The following RASEF variants were observed in gnomAD, a reference collection of about 807,000 sequenced individuals.
RASEF encodes ras and EF-hand domain-containing protein.
Under a neutral mutation model 90.1 loss-of-function variants are expected in RASEF, and 68 were observed. The observed-to-expected ratio is 0.75, with a 90% CI of 0.62 to 0.92. The LOEUF (loss-of-function observed/expected upper bound fraction) is 0.92, where lower values mean the gene tolerates loss of function less well. Among genes scored for constraint, RASEF ranks in the 40% least tolerant of loss-of-function variants. The pLI, the probability that RASEF is intolerant of heterozygous loss-of-function variation, is 0.00. For synonymous variants in RASEF, 331 were observed against 345.2 expected, an observed-to-expected ratio of 0.96 and a Z score of 0.46; for missense variants, 949 against 937.2, an observed-to-expected ratio of 1.01 and a Z score of -0.16.
In RASEF at chr9:83,006,542, T is replaced by C. The variant is rs374006601; in HGVS notation, c.1028+895A>G. ...AAAGGTCAAACCTGACCTGACTTCA[T>C]TGAGGGGAACTGAAACCAGAAGACA... On this transcript the variant is annotated intron_variant, in intron 7 of 16. Transcript: ENST00000376447. 9.3e-4 allele frequency among the ~76,000 whole-genome samples: 140 copies of C among 150,786 alleles called. 1 individual carries two copies. Among genetic ancestry groups the C allele is most frequent in the African/African-American group, 3.1e-3 (127 of 41,082 alleles).
chr9:83,184,395 G>A, the RASEF span, among the ~76,000 whole-genome samples: 400 of 152,274 alleles, frequency 2.6e-3, 3 homozygotes, highest in African/African-American at 9.0e-3. Context: ...ATGGGAGGGC[G>A]GTGTTAGCTT....
chr9:83,144,454 AAAGAG>A, the RASEF span, among the ~76,000 whole-genome samples: 2 of 147,856 alleles, frequency 1.4e-5, no homozygotes, highest in African/African-American at 2.5e-5. Flanking sequence ...AAAGAAAAGA[AAAGAG>A]AAGAGAAAAG....
At chr9:83,041,173 T>G (rs1349296789) in intron 1 of RASEF, among the ~76,000 whole-genome samples, 2 of 152,386 alleles carry the variant, frequency 1.3e-5, no homozygotes, top group South Asian at 2.1e-4. Context: ...CTGGCCTTTT[T>G]AAAAGCCTAT....
rs770690143 is a variant in RASEF, at chr9:83,001,110, A to G, written c.1223T>C (p.Val408Ala). Reference sequence around the variant, plus strand: ...GGCCAGGGAGTCACAGTCCTCATCCACATAGGAAGAGCGGGATGACCTGGT... The same window carrying G: ...GGCCAGGGAGTCACAGTCCTCATCCGCATAGGAAGAGCGGGATGACCTGGT... ...GYDRSSRSSY[V>A]DEDCDSLALC... The change falls in exon 10 of 17, where the codon GTG becomes GCG. Residue 408 changes from valine to alanine, a missense_variant. Around this residue, in one of 3 missense-constraint regions of RASEF, gnomAD observed 656 missense variants for 592.2 expected, o/e 1.11. Coordinates refer to ENST00000376447, the MANE Select transcript of RASEF (RefSeq NM_152573.4). 4 of 1,613,210 alleles carry G rather than the reference A, an allele frequency of 2.5e-6. No homozygotes were observed. In the Admixed American group the frequency reaches 5.0e-5, roughly 20 times the overall value.
At chr9:83,163,984 C>A in the RASEF span, among the ~76,000 whole-genome samples, 2 of 139,504 alleles carry the variant, frequency 1.4e-5, no homozygotes, top group South Asian at 4.7e-4. Context: ...GAAAACAAAT[C>A]TTACTTGAGA....
the RASEF span, among the ~76,000 whole-genome samples, chr9:83,098,519 C>G: frequency 3.4e-4 from 51 of 152,228 alleles, no homozygotes; most frequent in African/African-American, 1.2e-3. Context: ...ATTTATCTCC[C>G]TAATATCATT....
chr9:83,022,138 CT>C (rs1829456091), intron 3 of RASEF, among the ~76,000 whole-genome samples, 197 bp downstream of exon 3: 1 of 152,112 alleles, frequency 6.6e-6, no homozygotes, highest in Admixed American at 6.6e-5. Flanking sequence ...AACTTATTTG[CT>C]TTGCTTATTT....
chr9:83,061,397 G>A (rs574850019), intron 1 of RASEF, among the ~76,000 whole-genome samples: 1 of 152,300 alleles, frequency 6.6e-6, no homozygotes, highest in Admixed American at 6.5e-5. Context: ...TGTCTCAGAT[G>A]TGCAAACTGC....
chr9:83,189,482 T>C, the RASEF span, among the ~76,000 whole-genome samples: 3 of 152,168 alleles, frequency 2.0e-5, no homozygotes, highest in Non-Finnish European at 4.4e-5. Context: ...TTTTTCAGAC[T>C]TTCTCATTTT....
the RASEF span, among the ~76,000 whole-genome samples, chr9:83,209,708 C>T: frequency 1.8e-4 from 27 of 152,308 alleles, no homozygotes; most frequent in African/African-American, 5.1e-4. Flanking sequence ...TTTTCTTAAT[C>T]CTTATACTAA....
chr9:83,073,005 A>G, the RASEF span, among the ~76,000 whole-genome samples: 1 of 152,196 alleles, frequency 6.6e-6, no homozygotes, highest in Non-Finnish European at 1.5e-5. Context: ...TATAAGTAAA[A>G]TCACACAGCT....
At chr9:83,180,376 T>C in the RASEF span, among the ~76,000 whole-genome samples, 1 of 152,132 alleles carries the variant, frequency 6.6e-6, no homozygotes, top group South Asian at 2.1e-4. Context: ...TATTTTAAAT[T>C]CAACCAGGTC....
At chr9:83,085,034 G>A in the RASEF span, among the ~76,000 whole-genome samples, 1 of 152,046 alleles carries the variant, frequency 6.6e-6, no homozygotes, top group Non-Finnish European at 1.5e-5. Context: ...ACCACAAAGC[G>A]GTCCTTTATT....
upstream of RASEF, among the ~76,000 whole-genome samples, chr9:83,065,935 C>T (rs1052756712): frequency 3.9e-5 from 6 of 152,112 alleles, no homozygotes; most frequent in Admixed American, 1.3e-4. Context: ...CAGGCCAGAG[C>T]CTCCCCTCCT....
chr9:83,210,880 G>T, the RASEF span, among the ~76,000 whole-genome samples: 6 of 152,200 alleles, frequency 3.9e-5, no homozygotes, highest in African/African-American at 1.4e-4. Context: ...AAGCTGGTCA[G>T]TCACCCCAGG....
chr9:83,071,901 C>T, the RASEF span, among the ~76,000 whole-genome samples: 2 of 152,094 alleles, frequency 1.3e-5, no homozygotes, highest in Non-Finnish European at 2.9e-5. Context: ...TACAATCTAG[C>T]CTTGGAAGTC....
chr9:83,163,552 C>T, the RASEF span, among the ~76,000 whole-genome samples: 25 of 152,160 alleles, frequency 1.6e-4, no homozygotes, highest in East Asian at 2.5e-3. Flanking sequence ...AAGAGAAATG[C>T]TAGAGATCAA....
chr9:82,988,529 G>A (rs1406510703), intron 16 of RASEF, among the ~76,000 whole-genome samples: 1 of 152,006 alleles, frequency 6.6e-6, no homozygotes. Context: ...TCTGACCTTC[G>A]GTGTTAGAGG....
chr9:83,090,914 T>C, the RASEF span, among the ~76,000 whole-genome samples: 1 of 152,126 alleles, frequency 6.6e-6, no homozygotes, highest in Non-Finnish European at 1.5e-5. Context: ...CAGAGAATAA[T>C]AATAAAGTCT....
Sources: allele counts gnomAD v4.1 joint callset (sites outside exome capture counted in the v4.1 genomes callset), GRCh38; gene constraint gnomAD v4.1.1; regional missense constraint gnomAD v4.1.1; transcripts MANE v1.5; gene names NCBI Gene and HGNC (gene_info 2026-07-23, HGNC 2026-07-21).